The following EHBP1 variants were observed in gnomAD, a reference collection of about 807,000 sequenced individuals.
EHBP1 encodes the protein EH domain binding protein 1.
EHBP1 carries 55 observed loss-of-function variants against 144.0 expected under a neutral mutation model. The ratio of observed to expected loss-of-function variants is 0.38; its 90% CI spans 0.31 to 0.48. EHBP1 has a LOEUF of 0.48. EHBP1 is among the 20% of genes least tolerant of loss of function. The probability of loss-of-function intolerance (pLI) is 0.98; values close to 1 mark genes in which losing one functional copy is unlikely to be tolerated. For synonymous variants in EHBP1, 469 were observed against 472.7 expected (o/e 0.99, Z 0.10); for missense variants, 1,200 against 1,364.2 (o/e 0.88, Z 1.90).
At chr2:63,016,596 A>G (rs1250047575) in intron 19 of EHBP1, among the ~76,000 whole-genome samples, 1 of 151,666 alleles carries the variant, frequency 6.6e-6, no homozygotes, top group African/African-American at 2.4e-5. Flanking sequence ...ACGCCCGACT[A>G]ATTTTTGTAT....
intron 7 of EHBP1, among the ~76,000 whole-genome samples, chr2:62,841,948 A>T (rs1573653263): frequency 6.6e-6 from 1 of 152,104 alleles, no homozygotes; most frequent in East Asian, 1.9e-4. Context: ...GTTTTGGAAG[A>T]TGGGAAGTCC....
At position 62,948,697 on chromosome 2, in the gene EHBP1, A is replaced by G. The variant is rs752301806; in HGVS notation, c.1851A>G (p.Glu617=). Residue 617 remains glutamate (E), a synonymous_variant, in exon 13 of 23, where the codon GAA becomes GAG. Coordinates refer to ENST00000431489, the MANE Select transcript of EHBP1 (RefSeq NM_001142616.3). ...GTCGCAGGACTAAAAGTGACACAGA[A>G]CCCCAGAAGTCTCAGCAGAGCTCTG... The part of the protein sequence containing the change: ...PYCRRTKSDT[E]PQKSQQSSGR... 3.7e-6 allele frequency: 6 copies of G among 1,613,878 alleles called. No individual in the cohort carries two copies. The highest frequency in any genetic ancestry group is 5.1e-6 in the Non-Finnish European group (6 of 1,179,998).
intron 10 of EHBP1, among the ~76,000 whole-genome samples, chr2:62,906,152 CTTTTT>C (rs769180078): frequency 7.4e-6 from 1 of 135,084 alleles, no homozygotes. Flanking sequence ...GTTATTTTGT[CTTTTT>C]TTTTTTTTTT....
intron 7 of EHBP1, among the ~76,000 whole-genome samples, chr2:62,843,223 T>C (rs1229397950): frequency 6.6e-6 from 1 of 152,178 alleles, no homozygotes; most frequent in Non-Finnish European, 1.5e-5. Context: ...CTGAAACATA[T>C]TAGGAATTGA....
At chr2:62,858,654 A>G in intron 7 of EHBP1, 2 of 597,768 alleles carry the variant, frequency 3.3e-6, no homozygotes, top group Non-Finnish European at 6.0e-6. Flanking sequence ...TTTGTAGTGC[A>G]CCAACAGGCA....
chr2:62,918,851 G>T (rs1241149765), intron 10 of EHBP1, among the ~76,000 whole-genome samples: 1 of 152,168 alleles, frequency 6.6e-6, no homozygotes, highest in Non-Finnish European at 1.5e-5. Context: ...TAACGGGGTA[G>T]CAAGCACCAG....
chr2:62,916,820 A>G (rs576525338), intron 10 of EHBP1, among the ~76,000 whole-genome samples: 2 of 149,890 alleles, frequency 1.3e-5, no homozygotes, highest in Admixed American at 6.7e-5. Flanking sequence ...TTACATACAC[A>G]AATTTTATTA....
intron 2 of EHBP1, among the ~76,000 whole-genome samples, chr2:62,731,921 T>A (rs1293554967): frequency 6.6e-6 from 1 of 152,200 alleles, no homozygotes; most frequent in African/African-American, 2.4e-5. Context: ...TAAATTTTTT[T>A]AACTTTTGTT....
In EHBP1 at chr2:63,041,977, CTATA is replaced by C. The variant is rs574689534; in HGVS notation, c.3278-3084_3278-3081del. 2.6e-5 allele frequency among the ~76,000 whole-genome samples: 4 copies of C among 152,152 alleles called. No homozygotes were observed. In the South Asian group the frequency reaches 8.3e-4, roughly 32 times the overall value. The stretch of plus-strand genomic sequence containing the variant: ...TGAATCAGGGAGTGAATAATTGGCC[CTATA>C]TATAAAAAAGAGTTTTTTAAACTAA... On this transcript the variant is annotated intron_variant, in intron 21 of 22. Transcript: ENST00000431489.
chr2:62,884,219 T>C (rs1278203062), intron 10 of EHBP1, among the ~76,000 whole-genome samples: 1 of 152,190 alleles, frequency 6.6e-6, no homozygotes, highest in Non-Finnish European at 1.5e-5. Flanking sequence ...GAGGAAGGCA[T>C]TTCTTTTCAT....
At chr2:62,868,138 G>A (rs1393526121) in intron 9 of EHBP1, among the ~76,000 whole-genome samples, 8 of 152,148 alleles carry the variant, frequency 5.3e-5, no homozygotes, top group Admixed American at 3.9e-4. Context: ...ACTTTGGGAG[G>A]CCGAGGCGGG....
At chr2:63,028,581 T>G (rs1488447657) in intron 19 of EHBP1, among the ~76,000 whole-genome samples, 1 of 152,124 alleles carries the variant, frequency 6.6e-6, no homozygotes, top group Non-Finnish European at 1.5e-5. Context: ...TTGTAGAGAC[T>G]TTAAGCAACA....
intron 10 of EHBP1, among the ~76,000 whole-genome samples, chr2:62,893,000 C>A (rs2052587262): frequency 1.3e-5 from 2 of 152,080 alleles, no homozygotes; most frequent in African/African-American, 2.4e-5. Flanking sequence ...CTTTGATAAA[C>A]ATTAGCAATA....
chr2:62,731,340 A>G (rs944187265), intron 2 of EHBP1, among the ~76,000 whole-genome samples: 10 of 152,246 alleles, frequency 6.6e-5, no homozygotes, highest in East Asian at 1.9e-4. Context: ...TGCATAGACA[A>G]TCCTATCACA....
chr2:62,677,644 T>C (rs1199036986), intron 1 of EHBP1, among the ~76,000 whole-genome samples: 7 of 152,122 alleles, frequency 4.6e-5, no homozygotes, highest in Non-Finnish European at 1.0e-4. Flanking sequence ...CCTACCCCAC[T>C]ACCCGTTGCA....
intron 19 of EHBP1, among the ~76,000 whole-genome samples, chr2:63,025,148 A>G (rs141505889): frequency 6.6e-6 from 1 of 152,384 alleles, no homozygotes; most frequent in African/African-American, 2.4e-5. Flanking sequence ...TCATCCTACA[A>G]AATTATTAGT....
At chr2:62,950,693 C>CTTTTT (rs146236066) in intron 13 of EHBP1, among the ~76,000 whole-genome samples, 1 of 150,166 alleles carries the variant, frequency 6.7e-6, no homozygotes, top group African/African-American at 2.4e-5. Flanking sequence ...GTTGTTTTTT[C>CTTTTT]TTTTTTTTTG....
At chr2:62,887,984 T>C (rs1438149427) in intron 10 of EHBP1, among the ~76,000 whole-genome samples, 4 of 152,188 alleles carry the variant, frequency 2.6e-5, no homozygotes, top group Non-Finnish European at 5.9e-5. Flanking sequence ...AAAACATTCC[T>C]TTTTTCCCTC....
intron 10 of EHBP1, among the ~76,000 whole-genome samples, chr2:62,901,665 A>C (rs1326571611): frequency 6.6e-6 from 1 of 151,974 alleles, no homozygotes; most frequent in Non-Finnish European, 1.5e-5. Context: ...TTAGTTTAAA[A>C]AAAAAAAAGA....
Sources: gnomAD v4.1 joint callset for allele counts (sites outside exome capture counted in the v4.1 genomes callset) on GRCh38, gnomAD v4.1.1 for gene constraint, MANE v1.5 for transcripts, NCBI Gene and HGNC (gene_info 2026-07-23, HGNC 2026-07-21) for gene names.